PPIG: variants seen among roughly 807,000 people sequenced by gnomAD.
The protein encoded by PPIG is peptidyl-prolyl cis-trans isomerase G.
A neutral mutation model predicts 87.9 loss-of-function variants in PPIG; 26 were observed. The observed-to-expected ratio is 0.30, with a 90% CI of 0.22 to 0.41. The LOEUF (loss-of-function observed/expected upper bound fraction) is 0.41. Among genes scored for constraint, PPIG ranks in the 10% least tolerant of loss-of-function variants. The probability of loss-of-function intolerance (pLI) is 1.00; values close to 1 mark genes in which losing one functional copy is unlikely to be tolerated. For missense variants in PPIG, 722 were observed against 879.4 expected (o/e 0.82, Z 2.26); for synonymous variants, 308 against 276.5 (o/e 1.11, Z -1.13).
At chr2:169,596,621 G>A (rs886181407) in intron 1 of PPIG, among the ~76,000 whole-genome samples, 1 of 152,134 alleles carries the variant, frequency 6.6e-6, no homozygotes, top group African/African-American at 2.4e-5. Context: ...AGACTTGAAG[G>A]CTCCAGGAGT....
chr2:169,608,854 G>A lies in PPIG; in HGVS notation c.377+96G>A, dbSNP rs112931627. The A allele has an allele frequency of 2.6e-3, 1,904 of 739,838 alleles. 30 individuals carry two copies. The African/African-American group carries it at 0.031, about 12-fold the overall frequency. 45.8% of individuals were successfully genotyped at this position (739,838 alleles called of 1,614,324 possible). On this transcript the variant is annotated intron_variant, in intron 7 of 13. Transcript: ENST00000260970. ...TCCCAGGACTTTGGGAGGCTGAGGC[G>A]GGCGGATCACGAGGTCAGGAGATCG...
intron 9 of PPIG, among the ~76,000 whole-genome samples, chr2:169,625,748 G>A (rs1034538046): frequency 6.6e-5 from 10 of 151,428 alleles, no homozygotes; most frequent in Non-Finnish European, 1.3e-4. Context: ...TTAAGGTTAG[G>A]TCTACTGGTG....
intron 9 of PPIG, among the ~76,000 whole-genome samples, chr2:169,628,206 A>T (rs890443091): frequency 6.6e-6 from 1 of 152,174 alleles, no homozygotes; most frequent in Non-Finnish European, 1.5e-5. Context: ...CATCAACAGC[A>T]TAGAGGCACT....
intron 1 of PPIG, among the ~76,000 whole-genome samples, chr2:169,598,804 A>G (rs1223001962): frequency 2.0e-5 from 3 of 147,716 alleles, no homozygotes; most frequent in Non-Finnish European, 4.5e-5. Flanking sequence ...AAGTATTATA[A>G]ATATTTATAT....
chr2:169,632,506 C>T (rs1349511625), intron 11 of PPIG, among the ~76,000 whole-genome samples: 1 of 152,146 alleles, frequency 6.6e-6, no homozygotes, highest in Non-Finnish European at 1.5e-5. Context: ...CTTTGGGAGG[C>T]TGAGGCGGGC....
At chr2:169,597,456 G>T (rs2105478902) in intron 1 of PPIG, among the ~76,000 whole-genome samples, 1 of 151,324 alleles carries the variant, frequency 6.6e-6, no homozygotes, top group South Asian at 2.1e-4. Context: ...ACCATGCCTG[G>T]CCCCACTTTC....
Position 169,637,269 on chromosome 2 carries a change from C to A in PPIG, c.2011C>A (p.His671Asn), listed in dbSNP as rs867147669. Reference sequence around the variant, plus strand: ...AAGAATGTACTCTAAAAGTCGTGATCATAATAGCTCAAATAACAGCAGGGA... The same window carrying A: ...AAGAATGTACTCTAAAAGTCGTGATAATAATAGCTCAAATAACAGCAGGGA... ...EKRMYSKSRD[H>N]NSSNNSREKK... The change falls in exon 14 of 14, where the codon CAT becomes AAT. Residue 671 changes from histidine to asparagine, a missense_variant. Coordinates refer to ENST00000260970, the MANE Select transcript of PPIG (RefSeq NM_004792.3). The A allele has an allele frequency of 1.9e-6, 3 of 1,609,832 alleles. No homozygotes were observed. Among genetic ancestry groups the A allele is most frequent in the African/African-American group, 1.3e-5 (1 of 74,408 alleles).
intron 4 of PPIG, 46 bp downstream of exon 4, chr2:169,604,307 A>AAGGC: frequency 1.3e-6 from 1 of 789,688 alleles, no homozygotes; most frequent in Non-Finnish European, 1.9e-6. Flanking sequence ...TCAGTTGACT[A>AAGGC]TGGCTTGCTT....
chr2:169,620,715 T>G (rs1685726917), intron 9 of PPIG, among the ~76,000 whole-genome samples: 1 of 152,202 alleles, frequency 6.6e-6, no homozygotes, highest in Non-Finnish European at 1.5e-5. Flanking sequence ...CTGACATGAC[T>G]AATTTGATAT....
chr2:169,614,777 A>C, intron 9 of PPIG, 53 bp downstream of exon 9: 1 of 1,504,412 alleles, frequency 6.6e-7, no homozygotes, highest in Non-Finnish European at 8.9e-7. Context: ...AAATAAGCAG[A>C]GATACTCTAA....
chr2:169,618,869 C>T (rs976839534), intron 9 of PPIG, among the ~76,000 whole-genome samples: 2 of 149,836 alleles, frequency 1.3e-5, no homozygotes, highest in African/African-American at 2.5e-5. Flanking sequence ...TTATTTCCTT[C>T]GGTTCTGCTC....
chr2:169,622,790 C>A (rs990516377), intron 9 of PPIG, among the ~76,000 whole-genome samples: 1 of 152,142 alleles, frequency 6.6e-6, no homozygotes, highest in Admixed American at 6.5e-5. Context: ...TGTCATGCAT[C>A]TTACATATAA....
chr2:169,603,239 G>A (rs1166985074), intron 1 of PPIG, among the ~76,000 whole-genome samples: 1 of 152,024 alleles, frequency 6.6e-6, no homozygotes, highest in Non-Finnish European at 1.5e-5. Context: ...TCTTCTACGG[G>A]TAAGTATCAT....
Position 169,597,855 on chromosome 2 carries a change from C to CTTGCTTGT in PPIG, c.-69-5784_-69-5783insCTTGTTTG, listed in dbSNP as rs559265269. Reference sequence around the variant, plus strand: ...ATATCCTACACACTTCTGTACCTTGCTTGTTTGTTTGTTTGTTTGTTTGTT... The same window carrying CTTGCTTGT: ...ATATCCTACACACTTCTGTACCTTGCTTGCTTGTTTGTTTGTTTGTTTGTTTGTTTGTT... On this transcript the variant is annotated intron_variant, in intron 1 of 13. Transcript: ENST00000260970. Among the ~76,000 whole-genome samples, 567 of 150,828 alleles carry CTTGCTTGT rather than the reference C, an allele frequency of 3.8e-3. 3 individuals carry two copies. The highest frequency in any genetic ancestry group is 0.012 in the African/African-American group (507 of 41,050).
chr2:169,589,229 A>G (rs2105469585), intron 1 of PPIG, among the ~76,000 whole-genome samples: 1 of 152,350 alleles, frequency 6.6e-6, no homozygotes, highest in Non-Finnish European at 1.5e-5. Flanking sequence ...TGTTGCTACC[A>G]GTGCAGTGGT....
Position 169,636,920 on chromosome 2 carries a change from T to C in PPIG, c.1662T>C (p.Gly554=). 6.2e-7 allele frequency: 1 copy of C among 1,613,734 alleles called. No homozygotes were observed. Among genetic ancestry groups the C allele is most frequent in the East Asian group, 2.2e-5 (1 of 44,856 alleles). ...GTAGAGAATGTGATATAACTAAAGGTAAACACAGTTATAATAGCAGAACAA... is the reference window on the plus strand; with the variant it reads ...GTAGAGAATGTGATATAACTAAAGGCAAACACAGTTATAATAGCAGAACAA... The part of the protein sequence containing the change: ...SRSRECDITK[G]KHSYNSRTRE... Residue 554 remains glycine (G), a synonymous_variant, in exon 14 of 14, where the codon GGT becomes GGC. Transcript: ENST00000260970.
At chr2:169,607,549 A>C (rs1574447823) in intron 6 of PPIG, among the ~76,000 whole-genome samples, 1 of 152,220 alleles carries the variant, frequency 6.6e-6, no homozygotes, top group Non-Finnish European at 1.5e-5. Flanking sequence ...AATATTTTCC[A>C]AAAATTTAAG....
intron 9 of PPIG, among the ~76,000 whole-genome samples, chr2:169,618,909 G>T (rs1302260241): frequency 1.3e-5 from 2 of 150,762 alleles, no homozygotes; most frequent in Non-Finnish European, 3.0e-5. Flanking sequence ...TCTTCTGCTA[G>T]CTTCTGCTAG....
rs769114811 is a variant in PPIG at position 169,636,232 on chromosome 2, A to C, written c.1154+4A>C. ...AAAGATGGATCAAGGGGGATAAGTA[A>C]GATTTAACTATTATTATTTCAAATG... On this transcript the variant is annotated splice_donor_region_variant and intron_variant, in intron 13 of 13. Transcript: ENST00000260970. The C allele has an allele frequency of 2.5e-6, 4 of 1,584,322 alleles. No individual in the cohort carries two copies. The highest frequency in any genetic ancestry group is 1.2e-5 in the South Asian group (1 of 85,292).
Sources: allele counts gnomAD v4.1 joint callset (sites outside exome capture counted in the v4.1 genomes callset), GRCh38; gene constraint gnomAD v4.1.1; transcripts MANE v1.5; gene names NCBI Gene and HGNC (gene_info 2026-07-23, HGNC 2026-07-21).